The following AMMECR1 variants were observed in gnomAD, a reference collection of about 807,000 sequenced individuals.
The protein encoded by AMMECR1 is nuclear protein AMMECR1.
In AMMECR1, 3 loss-of-function variants were observed where a neutral mutation model predicts 22.5. That is an observed-to-expected ratio of 0.13 (90% CI 0.06 to 0.35). The LOEUF (loss-of-function observed/expected upper bound fraction) is 0.35. AMMECR1 is among the 10% of genes least tolerant of loss of function. The pLI is 1.00. For synonymous variants in AMMECR1, 130 were observed against 116.7 expected (o/e 1.11, Z -0.74); for missense variants, 235 against 278.7 (o/e 0.84, Z 1.12).
upstream of AMMECR1, among the ~76,000 whole-genome samples, chrX:110,318,994 G>A (rs2068068559): frequency 8.9e-6 from 1 of 112,330 alleles, no homozygotes; most frequent in African/African-American, 3.2e-5. Context: ...TGGGTACAAA[G>A]CAATTAGGAA....
intron 2 of AMMECR1, among the ~76,000 whole-genome samples, chrX:110,351,207 T>C (rs1280076169): frequency 9.0e-6 from 1 of 111,724 alleles, no homozygotes; most frequent in Non-Finnish European, 1.9e-5. Flanking sequence ...ACAATCCCTA[T>C]CAAAATCTCA....
chrX:110,345,069 A>G (rs2068182664), intron 2 of AMMECR1, among the ~76,000 whole-genome samples: 1 of 112,280 alleles, frequency 8.9e-6, no homozygotes, highest in Non-Finnish European at 1.9e-5. Flanking sequence ...GGCACTATTC[A>G]CAATAGCAAA....
At chrX:110,312,789 C>A (rs980886231) in intron 1 of AMMECR1, among the ~76,000 whole-genome samples, 5 of 110,769 alleles carry the variant, frequency 4.5e-5, no homozygotes, top group Non-Finnish European at 9.5e-5. Flanking sequence ...TAAAAAAAAA[C>A]AACCATATTA....
intron 2 of AMMECR1, among the ~76,000 whole-genome samples, chrX:110,347,605 A>G (rs927514794): frequency 8.9e-6 from 1 of 112,961 alleles, no homozygotes; most frequent in African/African-American, 3.2e-5. Flanking sequence ...TGGCAGGCTT[A>G]GACATATTGC....
intron 2 of AMMECR1, among the ~76,000 whole-genome samples, chrX:110,350,351 T>C (rs1221056909): frequency 1.8e-5 from 2 of 111,656 alleles, no homozygotes; most frequent in African/African-American, 3.3e-5. Context: ...TCATACTTAA[T>C]GGTGAAAGAC....
intron 1 of AMMECR1, among the ~76,000 whole-genome samples, chrX:110,294,140 G>A (rs1319903873): frequency 9.0e-6 from 1 of 111,656 alleles, no homozygotes; most frequent in Non-Finnish European, 1.9e-5. Flanking sequence ...TAGTACAGTG[G>A]ATTTGTTTTG....
At chrX:110,349,523 G>A (rs2068203330) in intron 2 of AMMECR1, among the ~76,000 whole-genome samples, 1 of 111,585 alleles carries the variant, frequency 9.0e-6, no homozygotes, top group African/African-American at 3.3e-5. Flanking sequence ...GTTCATTTGT[G>A]TTTTTATACC....
At position 110,336,549 on chromosome X, in the gene AMMECR1, C is replaced by CA. The variant is rs747202737; in HGVS notation, c.-147-18701dup. ...AAAAACAAAACAAAACAAAACAAAACAAAAAAACAAAAAAAATTAGCCAGG... is the reference window on the plus strand; with the variant it reads ...AAAAACAAAACAAAACAAAACAAAACAAAAAAAACAAAAAAAATTAGCCAGG... On this transcript the variant is annotated intron_variant, in intron 2 of 7. Transcript: ENST00000372057. 6.4e-5 allele frequency among the ~76,000 whole-genome samples: 7 copies of CA among 109,147 alleles called. No individual in the cohort carries two copies. In the South Asian group the frequency reaches 1.2e-3, roughly 19 times the overall value. The allele number at this position is 109,147 out of a possible 115,157, so 94.8% of individuals were successfully genotyped here.
At chrX:110,435,802 A>G (rs1238138185) in intron 1 of AMMECR1, among the ~76,000 whole-genome samples, 3 of 112,476 alleles carry the variant, frequency 2.7e-5, no homozygotes, top group African/African-American at 9.7e-5. Context: ...GTTTATATAT[A>G]TGTGTAATAT....
intron 1 of AMMECR1, among the ~76,000 whole-genome samples, chrX:110,301,771 G>T (rs1471453833): frequency 4.5e-5 from 5 of 111,511 alleles, no homozygotes; most frequent in Non-Finnish European, 9.4e-5. Flanking sequence ...TCAGAAAAAT[G>T]CACTTATACA....
At chrX:110,285,395 A>T (rs1054009499) in intron 1 of AMMECR1, among the ~76,000 whole-genome samples, 1 of 111,913 alleles carries the variant, frequency 8.9e-6, no homozygotes, top group Admixed American at 9.5e-5. Context: ...GACCAGTGGT[A>T]TACAAGAAGA....
chrX:110,199,690 TA>T (rs1413372778), intron 5 of AMMECR1, among the ~76,000 whole-genome samples: 3 of 111,108 alleles, frequency 2.7e-5, no homozygotes, highest in Non-Finnish European at 5.7e-5. Flanking sequence ...ATTATTTTCA[TA>T]TCGATCCCAA....
intron 2 of AMMECR1, among the ~76,000 whole-genome samples, chrX:110,369,617 A>G (rs2068323605): frequency 9.0e-6 from 1 of 111,346 alleles, no homozygotes; most frequent in Admixed American, 9.5e-5. Flanking sequence ...CACTCAAGGT[A>G]AAAGCTAGAG....
chrX:110,336,501 T>C (rs1214103649), intron 2 of AMMECR1, among the ~76,000 whole-genome samples: 1 of 110,443 alleles, frequency 9.1e-6, no homozygotes, highest in African/African-American at 3.3e-5. Context: ...CTCGCCAACA[T>C]GGTGAAACCC....
intron 2 of AMMECR1, among the ~76,000 whole-genome samples, chrX:110,379,434 A>T (rs781490562): frequency 3.6e-5 from 4 of 112,358 alleles, no homozygotes; most frequent in African/African-American, 9.7e-5. Flanking sequence ...ACAAGTTGTG[A>T]CTTCAGAACT....
chrX:110,439,357 A>G (rs2068863066), intron 1 of AMMECR1, among the ~76,000 whole-genome samples: 1 of 112,303 alleles, frequency 8.9e-6, no homozygotes, highest in African/African-American at 3.2e-5. Flanking sequence ...GAGCCTCCCC[A>G]TTGTGGCAGC....
intron 1 of AMMECR1, among the ~76,000 whole-genome samples, chrX:110,290,967 T>A (rs1031011773): frequency 8.9e-6 from 1 of 111,779 alleles, no homozygotes; most frequent in Admixed American, 9.5e-5. Flanking sequence ...TAATTGAAAA[T>A]AATTTTGGTT....
At chrX:110,329,017 G>T (rs1403478170) in intron 2 of AMMECR1, among the ~76,000 whole-genome samples, 3 of 112,318 alleles carry the variant, frequency 2.7e-5, no homozygotes, top group Non-Finnish European at 5.6e-5. Context: ...GGTATTCCTT[G>T]TTCTAGATCC....
At chrX:110,345,116 C>T (rs1381381363) in intron 2 of AMMECR1, among the ~76,000 whole-genome samples, 2 of 112,055 alleles carry the variant, frequency 1.8e-5, no homozygotes, top group African/African-American at 6.5e-5. Flanking sequence ...CAATGATAGA[C>T]TGGATTAAGA....
Sources: allele counts gnomAD v4.1 joint callset (sites outside exome capture counted in the v4.1 genomes callset), GRCh38; gene constraint gnomAD v4.1.1; transcripts MANE v1.5; gene names NCBI Gene and HGNC (gene_info 2026-07-23, HGNC 2026-07-21).